Variants in PM20D1 observed in about 807,000 individuals in gnomAD.
PM20D1 encodes N-fatty-acyl-amino acid synthase/hydrolase PM20D1.
Under a neutral mutation model 53.8 loss-of-function variants are expected in PM20D1, and 53 were observed. That is an observed-to-expected ratio of 0.98 (90% CI 0.79 to 1.24). The LOEUF is 1.24. Among genes scored for constraint, PM20D1 ranks in the 50% most tolerant of loss-of-function variants. The probability of loss-of-function intolerance (pLI) is 0.00; values close to 1 mark genes in which losing one functional copy is unlikely to be tolerated. For missense variants in PM20D1, 564 were observed against 616.8 expected, an observed-to-expected ratio of 0.91 and a Z score of 0.91; for synonymous variants, 239 against 241.3, an observed-to-expected ratio of 0.99 and a Z score of 0.09.
At chr1:205,845,284 T>A in intron 3 of PM20D1, 41 bp downstream of exon 3, 1 of 1,585,710 alleles carries the variant, frequency 6.3e-7, no homozygotes. Flanking sequence ...TCCTGATTGA[T>A]CTTTAGGGCC....
intron 4 of PM20D1, 46 bp from the exon 5 acceptor site, chr1:205,844,263 A>G (rs575236589): frequency 5.2e-6 from 8 of 1,533,700 alleles, no homozygotes; most frequent in Non-Finnish European, 7.1e-6. Flanking sequence ...AGCCAGAGAC[A>G]GACCTCCAGA....
At chr1:205,847,761 T>C (rs903376093) in intron 2 of PM20D1, 124 bp downstream of exon 2, 2 of 738,016 alleles carry the variant, frequency 2.7e-6, no homozygotes, top group Admixed American at 2.3e-5. Flanking sequence ...GTCTCTACTC[T>C]GCCTATGGGA....
rs1263431444 is a variant in PM20D1 at position 205,847,805 on chromosome 1, C to A, written c.256+80G>T. ...GTCCTCTGATCAGTCGCAAAATAAACTTCTTTATCACTTTGTAAAAGAACT... is the reference window on the plus strand; with the variant it reads ...GTCCTCTGATCAGTCGCAAAATAAAATTCTTTATCACTTTGTAAAAGAACT... On this transcript the variant is annotated intron_variant, in intron 2 of 12. Transcript: ENST00000367136. The A allele has an allele frequency of 3.0e-5, 27 of 898,416 alleles. No individual in the cohort carries two copies. The African/African-American group carries it at 4.0e-4, about 13-fold the overall frequency. 55.7% of individuals were successfully genotyped at this position (898,416 alleles called of 1,614,324 possible).
intron 9 of PM20D1, among the ~76,000 whole-genome samples, chr1:205,840,958 T>A (rs1656791899): frequency 2.0e-5 from 3 of 152,366 alleles, no homozygotes; most frequent in Middle Eastern, 3.4e-3. Context: ...GGGATCTGGC[T>A]TGTTCTCTAG....
In PM20D1 at chr1:205,828,470, T is replaced by C; in HGVS notation, c.*150A>G. ...CTGCTGACTTTACCTTACCCCGGCC[T>C]TGTTCTTGGGAGAGTTTAAGAGTGA... On this transcript the variant is annotated 3_prime_UTR_variant, in exon 13 of 13. Transcript: ENST00000367136. 3.5e-6 allele frequency: 4 copies of C among 1,158,812 alleles called. No individual in the cohort carries two copies. The South Asian group carries it at 6.7e-5, about 19-fold the overall frequency. 71.8% of individuals were successfully genotyped at this position (1,158,812 alleles called of 1,614,324 possible). A position where few individuals can be genotyped will look rare whatever the true frequency, so the allele number is the denominator to read the frequency against.
At position 205,840,307 on chromosome 1, in the gene PM20D1, G is replaced by C; in HGVS notation, c.1061C>G (p.Pro354Arg). ...KAGVKFNVIP[P>R]VAQATVNFRI... ...GAAGTTGACTGTGGCCTGGGCCACT[G>C]GGGGGATGACATTGAACTAGAGAGA... is the stretch of plus-strand genomic sequence containing the variant. The change falls in exon 10 of 13, where the codon CCA becomes CGA. Residue 354 changes from proline (P) to arginine (R), a missense_variant. Pro to Arg is a moderately radical substitution (Grantham distance 103). Coordinates refer to ENST00000367136, the MANE Select transcript of PM20D1 (RefSeq NM_152491.5). 6.2e-7 allele frequency: 1 copy of C among 1,613,418 alleles called. No homozygotes were observed. Among genetic ancestry groups the C allele is most frequent in the Non-Finnish European group, 8.5e-7 (1 of 1,179,534 alleles).
At chr1:205,843,434 A>G (rs1352159188) in intron 6 of PM20D1, among the ~76,000 whole-genome samples, 1 of 152,206 alleles carries the variant, frequency 6.6e-6, no homozygotes, top group African/African-American at 2.4e-5. Flanking sequence ...CCAGCCTGGT[A>G]TCTGTGAGCC....
intron 10 of PM20D1, among the ~76,000 whole-genome samples, chr1:205,839,971 CCTACTACA>C (rs2102527436): frequency 6.7e-6 from 1 of 148,910 alleles, no homozygotes; most frequent in African/African-American, 2.5e-5. Context: ...ACACAGCAAG[CCTACTACA>C]CTACTACATA....
chr1:205,833,142 G>A (rs1363732463), intron 10 of PM20D1, among the ~76,000 whole-genome samples: 1 of 152,208 alleles, frequency 6.6e-6, no homozygotes, highest in East Asian at 1.9e-4. Context: ...GGGCTCTCTT[G>A]AAAGCCTATA....
In PM20D1 at chr1:205,830,287, A is replaced by G. The variant is rs1656530101; in HGVS notation, c.1378T>C (p.Phe460Leu). 6.3e-7 allele frequency: 1 copy of G among 1,596,284 alleles called. No homozygotes were observed. Among genetic ancestry groups the G allele is most frequent in the Middle Eastern group, 1.7e-4 (1 of 6,026 alleles). The change falls in exon 12 of 13, where the codon TTC (phenylalanine) becomes CTC (leucine). Residue 460 changes from phenylalanine (F) to leucine (L), a missense_variant. Phe to Leu is a conservative substitution (Grantham distance 22, BLOSUM62 0). Transcript: ENST00000367136. Reference sequence around the variant, plus strand: ...CAAACCTGTTCCACTCACCGTTTGAAGTCTTCAGGCTGTATGTAGATGGGG... The same window carrying G: ...CAAACCTGTTCCACTCACCGTTTGAGGTCTTCAGGCTGTATGTAGATGGGG... ...FYPIYIQPEDFKRIHGVNEKI... is the reference protein window; with the variant it reads ...FYPIYIQPEDLKRIHGVNEKI...
At chr1:205,845,813 G>T (rs1656943904) in intron 2 of PM20D1, among the ~76,000 whole-genome samples, 1 of 151,962 alleles carries the variant, frequency 6.6e-6, no homozygotes, top group Non-Finnish European at 1.5e-5. Flanking sequence ...CCAGGCTTGG[G>T]GGCTCATGCC....
At position 205,845,541 on chromosome 1, in the gene PM20D1, G is replaced by A. The variant is rs1293327351; in HGVS notation, c.273C>T (p.Val91=). The A allele has an allele frequency of 6.2e-7, 1 of 1,614,090 alleles. No individual in the cohort carries two copies. The highest frequency in any genetic ancestry group is 1.1e-5 in the South Asian group (1 of 91,060). Residue 91 remains valine, a synonymous_variant, in exon 3 of 13, where the codon GTC becomes GTT. Transcript: ENST00000367136. ...CTTCATGCTGGATAAAGCTGGTGCT[G>A]ACCACTGTAGGAAAGACTAGAAGCA... ...KYIHKVFPTV[V]STSFIQHEVV...
intron 10 of PM20D1, 90 bp downstream of exon 10, chr1:205,840,162 C>T: frequency 9.1e-7 from 1 of 1,097,614 alleles, no homozygotes; most frequent in South Asian, 2.1e-5. Context: ...GGACACTGGA[C>T]CAGCCCTAGG....
intron 11 of PM20D1, among the ~76,000 whole-genome samples, chr1:205,832,085 G>A (rs1656574764): frequency 6.6e-6 from 1 of 152,192 alleles, no homozygotes; most frequent in Non-Finnish European, 1.5e-5. Flanking sequence ...GAGAACCACT[G>A]TCTGCAAAGC....
intron 6 of PM20D1, 73 bp from the exon 7 acceptor site, chr1:205,842,824 G>A (rs757580482): frequency 1.1e-5 from 15 of 1,413,318 alleles, no homozygotes; most frequent in Non-Finnish European, 1.5e-5. Context: ...AGGAGAAGAA[G>A]GGAGATAGGA....
At chr1:205,848,948 C>T (rs1257047317) in intron 1 of PM20D1, among the ~76,000 whole-genome samples, 2 of 152,198 alleles carry the variant, frequency 1.3e-5, no homozygotes, top group Non-Finnish European at 2.9e-5. Flanking sequence ...CCTATTCTAG[C>T]TTATGTAGCT....
At chr1:205,830,147 A>G in intron 12 of PM20D1, 133 bp downstream of exon 12, 1 of 659,606 alleles carries the variant, frequency 1.5e-6, no homozygotes, top group Non-Finnish European at 2.7e-6. Context: ...AGGTTCTACA[A>G]TGTCTCCATT....
chr1:205,834,800 T>C (rs1656645151), intron 10 of PM20D1, among the ~76,000 whole-genome samples: 1 of 152,182 alleles, frequency 6.6e-6, no homozygotes, highest in African/African-American at 2.4e-5. Context: ...GCATGCAGAA[T>C]GGATCCCTTC....
chr1:205,840,661 T>G (rs996807071), intron 9 of PM20D1, among the ~76,000 whole-genome samples: 1 of 152,176 alleles, frequency 6.6e-6, no homozygotes, highest in African/African-American at 2.4e-5. Context: ...GTGTGCACTT[T>G]CTTTCCCAGC....
Sources: gnomAD v4.1 joint callset for allele counts (sites outside exome capture counted in the v4.1 genomes callset) on GRCh38, gnomAD v4.1.1 for gene constraint, MANE v1.5 for transcripts, NCBI Gene and HGNC (gene_info 2026-07-23, HGNC 2026-07-21) for gene names.